The following EPRS1 variants were observed in gnomAD, a reference collection of about 807,000 sequenced individuals.
EPRS1 encodes glutamyl-prolyl-tRNA synthetase 1, also known as bifunctional glutamate/proline--tRNA ligase.
EPRS1 carries 107 observed loss-of-function variants against 188.3 expected under a neutral mutation model. The ratio of observed to expected loss-of-function variants is 0.57; its 90% CI spans 0.49 to 0.67. The LOEUF (loss-of-function observed/expected upper bound fraction) is 0.67. Among genes scored for constraint, EPRS1 ranks in the 30% least tolerant of loss-of-function variants. The probability of loss-of-function intolerance (pLI) is 0.00; values close to 1 mark genes in which losing one functional copy is unlikely to be tolerated. For synonymous variants in EPRS1, 596 were observed against 593.1 expected (o/e 1.00, Z -0.07); for missense variants, 1,577 against 1,802.2 (o/e 0.88, Z 2.26).
chr1:219,975,243 C>A (rs1337892077), intron 28 of EPRS1, among the ~76,000 whole-genome samples: 1 of 152,072 alleles, frequency 6.6e-6, no homozygotes, highest in Non-Finnish European at 1.5e-5. Context: ...AGTGACAGAG[C>A]CCACGAGGGA....
chr1:219,995,136 T>C (rs1316739087), intron 18 of EPRS1, among the ~76,000 whole-genome samples: 3 of 152,200 alleles, frequency 2.0e-5, no homozygotes, highest in Non-Finnish European at 4.4e-5. Flanking sequence ...TATTTCAGTA[T>C]CACATTAGTA....
chr1:220,000,867 A>C (rs1267517873), intron 17 of EPRS1, among the ~76,000 whole-genome samples: 1 of 152,104 alleles, frequency 6.6e-6, no homozygotes, highest in Non-Finnish European at 1.5e-5. Context: ...TGTAATCCCA[A>C]CTGCTCAGGA....
chr1:220,030,367 G>A lies in EPRS1; in HGVS notation c.623+19C>T. 1.3e-6 allele frequency: 2 copies of A among 1,512,892 alleles called. No homozygotes were observed. The highest frequency in any genetic ancestry group is 2.3e-5 in the South Asian group (2 of 88,818). 93.7% of individuals were successfully genotyped at this position (1,512,892 alleles called of 1,614,324 possible). On this transcript the variant is annotated intron_variant, in intron 6 of 31. Transcript: ENST00000366923. The stretch of plus-strand genomic sequence containing the variant: ...CCACTAAATATATTCAATTATAAAT[G>A]TGAGTTACATTTTCTTACCCACTGG...
chr1:220,016,977 G>A (rs1053594360), intron 12 of EPRS1, among the ~76,000 whole-genome samples: 2 of 152,128 alleles, frequency 1.3e-5, no homozygotes, highest in African/African-American at 4.8e-5. Flanking sequence ...CACTTTGGGA[G>A]GCAGAGGTGG....
chr1:219,974,412 C>T (rs773487350), intron 28 of EPRS1, among the ~76,000 whole-genome samples: 12 of 152,078 alleles, frequency 7.9e-5, no homozygotes, highest in South Asian at 2.1e-4. Context: ...ATGTGTATCC[C>T]GTAAGGGGAT....
chr1:219,990,376 A>T (rs2102570043), intron 18 of EPRS1, among the ~76,000 whole-genome samples: 1 of 152,330 alleles, frequency 6.6e-6, no homozygotes. Flanking sequence ...GAAGGTACCT[A>T]AAGATTCTTG....
chr1:220,019,884 A>G (rs1661827774), intron 10 of EPRS1, 104 bp downstream of exon 10: 1 of 743,636 alleles, frequency 1.3e-6, no homozygotes, highest in South Asian at 1.7e-5. Context: ...AGGCCTACCC[A>G]TTCCCCCTCC....
rs1405063990 is a variant in EPRS1 at position 220,020,064 on chromosome 1, G to A, written c.1273C>T (p.Arg425Trp). 1.6e-5 allele frequency: 26 copies of A among 1,613,816 alleles called. No individual in the cohort carries two copies. The highest frequency in any genetic ancestry group is 2.2e-5 in the East Asian group (1 of 44,872). ...IRKPYIWEYS[R>W]LNLNNTVLSK... is the part of the protein sequence containing the mutation. ...AGCACTGTGTTGTTGAGATTTAGCC[G>A]ACTATATTCCCAAATATATGGTTTT... Residue 425 changes from arginine (R) to tryptophan (W), a missense_variant, in exon 10 of 32, where the codon CGG becomes TGG. Coordinates refer to ENST00000366923, the MANE Select transcript of EPRS1 (RefSeq NM_004446.3).
chr1:220,015,525 AAAGGG>A (rs1661686250), intron 12 of EPRS1, among the ~76,000 whole-genome samples: 1 of 6,772 alleles, frequency 1.5e-4, no homozygotes, highest in Non-Finnish European at 3.5e-4. Flanking sequence ...TAAAAGATGG[AAAGGG>A]AAAGGGAAAG....
intron 13 of EPRS1, among the ~76,000 whole-genome samples, chr1:220,008,051 G>A (rs1661526876): frequency 6.6e-6 from 1 of 150,862 alleles, no homozygotes; most frequent in Non-Finnish European, 1.5e-5. Flanking sequence ...AGGCTGCAGT[G>A]AGCCGAGATT....
At chr1:220,020,824 T>TTTTATATATATA (rs1661859194) in intron 9 of EPRS1, among the ~76,000 whole-genome samples, 2 of 109,276 alleles carry the variant, frequency 1.8e-5, no homozygotes, top group African/African-American at 6.7e-5. Context: ...CAATTTGAAT[T>TTTTATATATATA]TATATATATA....
chr1:219,987,143 T>G lies in EPRS1; in HGVS notation c.3037A>C (p.Arg1013=). ...GEGQGPKKQT[R]LGLEAKKEEN... ...AATGAAGTTTCTGCGATTCATTACC[T>G]GGTCTGTTTCTTAGGCCCCTGCCCT... Residue 1013 remains arginine (R), a splice_region_variant and synonymous_variant, in exon 20 of 32, where the codon AGG becomes CGG. Transcript: ENST00000366923. 4 of 1,600,456 alleles carry G rather than the reference T, an allele frequency of 2.5e-6. 1 individual carries two copies. In the South Asian group the frequency reaches 4.6e-5, roughly 18 times the overall value.
intron 30 of EPRS1, among the ~76,000 whole-genome samples, chr1:219,971,589 A>G (rs1366502418): frequency 6.6e-6 from 1 of 151,990 alleles, no homozygotes; most frequent in Non-Finnish European, 1.5e-5. Flanking sequence ...AACAATGGTT[A>G]CTTTAGGAAC....
chr1:220,011,098 T>C, intron 12 of EPRS1, 42 bp from the exon 13 acceptor site: 2 of 1,133,042 alleles, frequency 1.8e-6, no homozygotes, highest in South Asian at 2.5e-5. Context: ...TGCGATATCT[T>C]ATAGAGCGCC....
chr1:219,978,966 T>A (rs200867170), intron 27 of EPRS1, among the ~76,000 whole-genome samples: 886 of 47,532 alleles, frequency 0.019, 6 homozygotes, highest in East Asian at 0.12. Context: ...ATATATATAT[T>A]TTTTTTTCCC....
chr1:219,980,359 T>C, intron 25 of EPRS1, 119 bp from the exon 26 acceptor site: 1 of 709,228 alleles, frequency 1.4e-6, no homozygotes, highest in Non-Finnish European at 2.3e-6. Context: ...AATAAAAACC[T>C]CTTTTTATGA....
chr1:220,036,078 T>C (rs935431919), intron 2 of EPRS1, among the ~76,000 whole-genome samples: 3 of 152,156 alleles, frequency 2.0e-5, no homozygotes, highest in African/African-American at 7.2e-5. Context: ...TGGGCACTTA[T>C]AATCCCAGCT....
At chr1:220,022,957 T>C (rs1661906524) in intron 8 of EPRS1, among the ~76,000 whole-genome samples, 1 of 152,190 alleles carries the variant, frequency 6.6e-6, no homozygotes, top group Non-Finnish European at 1.5e-5. Flanking sequence ...AATGGTTTGG[T>C]CCGGCCCTAA....
At position 219,997,288 on chromosome 1, in the gene EPRS1, T is replaced by C. The variant is rs1228383647; in HGVS notation, c.2236A>G (p.Thr746Ala). Residue 746 changes from threonine to alanine, a missense_variant, in exon 18 of 32, where the codon ACA becomes GCA. Transcript: ENST00000366923. ...PTPSLNNNCT[T>A]SEDSLVLYNR... Reference sequence around the variant, plus strand: ...TAAAGGACCAAGGAATCCTCAGATGTAGTACAATTATTATTCAGAGAAGGT... The same window carrying C: ...TAAAGGACCAAGGAATCCTCAGATGCAGTACAATTATTATTCAGAGAAGGT... The C allele has an allele frequency of 2.5e-6, 4 of 1,612,826 alleles. No homozygotes were observed. The highest frequency in any genetic ancestry group is 2.2e-5 in the East Asian group (1 of 44,858).
Sources: allele counts gnomAD v4.1 joint callset (sites outside exome capture counted in the v4.1 genomes callset), GRCh38; gene constraint gnomAD v4.1.1; transcripts MANE v1.5; gene names NCBI Gene and HGNC (gene_info 2026-07-23, HGNC 2026-07-21).